ADAMTSL1: variants seen among roughly 807,000 people sequenced by gnomAD.
ADAMTSL1 encodes ADAMTS-like protein 1.
In ADAMTSL1, 126 loss-of-function variants were observed where a neutral mutation model predicts 201.8. The observed-to-expected ratio is 0.62, with a 90% confidence interval of 0.54 to 0.72. The LOEUF is 0.72. Among genes scored for constraint, ADAMTSL1 ranks in the 30% least tolerant of loss-of-function variants. The pLI is 0.00. For missense variants in ADAMTSL1, 2,679 were observed against 2,277.8 expected (o/e 1.18, Z -3.59); for synonymous variants, 1,121 against 903.4 (o/e 1.24, Z -4.32).
intron 23 of ADAMTSL1, among the ~76,000 whole-genome samples, chr9:18,852,191 C>G (rs1270398713): frequency 1.3e-5 from 2 of 152,210 alleles, no homozygotes; most frequent in African/African-American, 4.8e-5. Flanking sequence ...GCCAGAATGC[C>G]TGGCTCTGCC....
At chr9:18,508,441 C>T (rs1817814964) in intron 2 of ADAMTSL1, among the ~76,000 whole-genome samples, 1 of 152,142 alleles carries the variant, frequency 6.6e-6, no homozygotes, top group Admixed American at 6.5e-5. Context: ...TTATAGTCTC[C>T]TCCATATATA....
At chr9:18,121,769 T>C (rs1441273099) in intron 1 of ADAMTSL1, among the ~76,000 whole-genome samples, 2 of 152,170 alleles carry the variant, frequency 1.3e-5, no homozygotes, top group African/African-American at 4.8e-5. Context: ...ATTTTTACCA[T>C]GCAAACAGAA....
intron 2 of ADAMTSL1, among the ~76,000 whole-genome samples, chr9:18,324,606 A>C (rs1834755062): frequency 6.6e-6 from 1 of 152,042 alleles, no homozygotes; most frequent in Non-Finnish European, 1.5e-5. Context: ...CTCTACTAAA[A>C]ATACAAAATT....
chr9:18,864,677 AG>A (rs1465393643), intron 23 of ADAMTSL1, among the ~76,000 whole-genome samples: 2 of 152,218 alleles, frequency 1.3e-5, no homozygotes, highest in Non-Finnish European at 2.9e-5. Context: ...TGTCCAACTC[AG>A]GCTGTTTCCC....
At chr9:18,255,849 T>A (rs1343886435) in intron 2 of ADAMTSL1, among the ~76,000 whole-genome samples, 1 of 152,218 alleles carries the variant, frequency 6.6e-6, no homozygotes, top group East Asian at 1.9e-4. Context: ...ACCCTCTTTG[T>A]CAGAAGACTC....
At chr9:18,349,768 C>G (rs995572745) in intron 2 of ADAMTSL1, among the ~76,000 whole-genome samples, 2 of 152,074 alleles carry the variant, frequency 1.3e-5, no homozygotes, top group Non-Finnish European at 2.9e-5. Context: ...AAGCCCTAAA[C>G]ACAAGACTGG....
chr9:18,280,803 C>G (rs956532253), intron 2 of ADAMTSL1, among the ~76,000 whole-genome samples: 1 of 151,308 alleles, frequency 6.6e-6, no homozygotes, highest in Admixed American at 6.6e-5. Flanking sequence ...CTTTGGATTC[C>G]TTAAGATTTT....
chr9:18,142,803 C>T lies in ADAMTSL1; in HGVS notation c.88-21059C>T, dbSNP rs185029091. On this transcript the variant is annotated intron_variant, in intron 1 of 29. Coordinates refer to the ADAMTSL1 transcript ENST00000680146. ...AGGCCATATGTATGTGCCATAGTGCCAAAGAGTGGTAAAATCTTCCGAACT... is the reference window on the plus strand; with the variant it reads ...AGGCCATATGTATGTGCCATAGTGCTAAAGAGTGGTAAAATCTTCCGAACT... 6.6e-5 allele frequency among the ~76,000 whole-genome samples: 10 copies of T among 152,258 alleles called. No individual in the cohort carries two copies. The East Asian group carries it at 1.9e-3, about 29-fold the overall frequency.
At chr9:18,043,481 C>T (rs1821518610) in intron 1 of ADAMTSL1, among the ~76,000 whole-genome samples, 1 of 152,090 alleles carries the variant, frequency 6.6e-6, no homozygotes, top group African/African-American at 2.4e-5. Context: ...ATGATATTAG[C>T]TTGGTGCACA....
intron 23 of ADAMTSL1, among the ~76,000 whole-genome samples, chr9:18,882,627 A>G (rs1828603309): frequency 6.6e-6 from 1 of 152,018 alleles, no homozygotes. Flanking sequence ...ACCACCATGG[A>G]CCTCGTGGCA....
intron 15 of ADAMTSL1, among the ~76,000 whole-genome samples, chr9:18,744,741 A>T (rs553325957): frequency 6.6e-6 from 1 of 152,200 alleles, no homozygotes; most frequent in African/African-American, 2.4e-5. Context: ...GCAGAGCACA[A>T]TTCATTCGCA....
intron 17 of ADAMTSL1, among the ~76,000 whole-genome samples, chr9:18,774,830 T>A (rs1017560967): frequency 2.0e-5 from 3 of 152,210 alleles, no homozygotes; most frequent in African/African-American, 7.2e-5. Flanking sequence ...TTATGAATCA[T>A]ACTGCTATGA....
chr9:18,599,251 T>G (rs1824470465), intron 4 of ADAMTSL1, among the ~76,000 whole-genome samples: 1 of 152,238 alleles, frequency 6.6e-6, no homozygotes, highest in African/African-American at 2.4e-5. Context: ...TAACAAGGAT[T>G]TGCTTTGCTT....
chr9:18,497,280 A>AT (rs922219664), intron 1 of ADAMTSL1, among the ~76,000 whole-genome samples: 3 of 152,136 alleles, frequency 2.0e-5, no homozygotes, highest in African/African-American at 7.2e-5. Flanking sequence ...AAATAAATGA[A>AT]TTTTTTTAAA....
intron 26 of ADAMTSL1, among the ~76,000 whole-genome samples, chr9:18,893,043 C>T (rs111765148): frequency 0.032 from 4,817 of 151,576 alleles, 152 homozygotes; most frequent in South Asian, 0.14. Flanking sequence ...TTGAAGCTAC[C>T]GCTCAATGCT....
intron 1 of ADAMTSL1, among the ~76,000 whole-genome samples, chr9:17,974,010 G>C (rs923899926): frequency 1.3e-4 from 19 of 151,842 alleles, no homozygotes; most frequent in African/African-American, 4.4e-4. Flanking sequence ...TTTGCAAATT[G>C]ATTTTATATC....
intron 26 of ADAMTSL1, among the ~76,000 whole-genome samples, chr9:18,902,304 T>C (rs934784078): frequency 6.6e-6 from 1 of 152,168 alleles, no homozygotes; most frequent in Non-Finnish European, 1.5e-5. Context: ...AGCAGAATAC[T>C]TGTTTTTTCT....
At chr9:18,498,552 G>C (rs1046114007) in intron 1 of ADAMTSL1, among the ~76,000 whole-genome samples, 1 of 152,044 alleles carries the variant, frequency 6.6e-6, no homozygotes. Flanking sequence ...TGGTCAGGCT[G>C]GTCTCAAAGT....
chr9:18,351,324 T>C (rs1226756862), intron 2 of ADAMTSL1, among the ~76,000 whole-genome samples: 1 of 151,860 alleles, frequency 6.6e-6, no homozygotes, highest in Non-Finnish European at 1.5e-5. Context: ...TTAAAAACAA[T>C]TTGCCAAAGG....
Sources: gnomAD v4.1 joint callset for allele counts (sites outside exome capture counted in the v4.1 genomes callset) on GRCh38, gnomAD v4.1.1 for gene constraint, MANE v1.5 for transcripts, NCBI Gene and HGNC (gene_info 2026-07-23, HGNC 2026-07-21) for gene names.